The following CCSER1 variants were observed in gnomAD, a reference collection of about 807,000 sequenced individuals.
CCSER1 encodes the protein coiled-coil serine rich protein 1.
In CCSER1, 41 loss-of-function variants were observed where a neutral mutation model predicts 82.0. The ratio of observed to expected loss-of-function variants is 0.50; its 90% CI spans 0.39 to 0.65. The LOEUF is 0.65. Ranked by LOEUF, CCSER1 falls within the 30% of genes least tolerant of loss-of-function variation. CCSER1 has a pLI of 0.00. For missense variants in CCSER1, 1,119 were observed against 1,064.2 expected (o/e 1.05, Z -0.72); for synonymous variants, 414 against 383.9 (o/e 1.08, Z -0.92).
intron 4 of CCSER1, among the ~76,000 whole-genome samples, chr4:90,426,007 C>T (rs80220195): frequency 0.018 from 2,696 of 151,926 alleles, 34 homozygotes; most frequent in African/African-American, 0.038. Context: ...AGAGAAGTGA[C>T]GTTTTTCCAT....
chr4:90,481,780 T>C (rs1012211534), intron 5 of CCSER1, among the ~76,000 whole-genome samples: 1 of 152,234 alleles, frequency 6.6e-6, no homozygotes, highest in African/African-American at 2.4e-5. Context: ...GCCAGTATTT[T>C]ATTGAGGATT....
chr4:90,629,518 A>C (rs1167533412), intron 6 of CCSER1, among the ~76,000 whole-genome samples: 1 of 152,174 alleles, frequency 6.6e-6, no homozygotes, highest in African/African-American at 2.4e-5. Context: ...TACCATGAGA[A>C]CTGTATGTGG....
At chr4:91,547,717 TTC>T (rs1354073877) in intron 10 of CCSER1, among the ~76,000 whole-genome samples, 1 of 152,160 alleles carries the variant, frequency 6.6e-6, no homozygotes, top group African/African-American at 2.4e-5. Flanking sequence ...TCATATTTGT[TTC>T]TATTTTATAT....
intron 9 of CCSER1, among the ~76,000 whole-genome samples, chr4:91,081,954 G>A (rs1189444310): frequency 6.6e-6 from 1 of 152,102 alleles, no homozygotes; most frequent in Non-Finnish European, 1.5e-5. Flanking sequence ...CTCATGGGTA[G>A]GAAGAATCAA....
chr4:90,167,578 C>T (rs1436393796), intron 1 of CCSER1, among the ~76,000 whole-genome samples: 1 of 152,132 alleles, frequency 6.6e-6, no homozygotes, highest in Admixed American at 6.6e-5. Flanking sequence ...CACCCAGTAA[C>T]TCGTCATTTA....
At chr4:90,250,426 T>C (rs544791218) in intron 1 of CCSER1, among the ~76,000 whole-genome samples, 15 of 152,200 alleles carry the variant, frequency 9.9e-5, no homozygotes, top group African/African-American at 3.6e-4. Flanking sequence ...GAAGTTAAAC[T>C]TCATTGTTTT....
At chr4:90,641,155 AT>A (rs1478053818) in intron 6 of CCSER1, among the ~76,000 whole-genome samples, 1 of 152,138 alleles carries the variant, frequency 6.6e-6, no homozygotes, top group East Asian at 1.9e-4. Flanking sequence ...TCTAAAATAT[AT>A]TTTATGTTAA....
At chr4:91,393,354 A>G (rs1335217616) in intron 10 of CCSER1, among the ~76,000 whole-genome samples, 1 of 152,112 alleles carries the variant, frequency 6.6e-6, no homozygotes, top group African/African-American at 2.4e-5. Context: ...TGAACCATGC[A>G]TGAAATTCAA....
chr4:90,856,190 A>C (rs1367409626), intron 8 of CCSER1, among the ~76,000 whole-genome samples: 1 of 152,092 alleles, frequency 6.6e-6, no homozygotes, highest in Non-Finnish European at 1.5e-5. Flanking sequence ...GGCTCAACAC[A>C]TGAGTCATAT....
intron 8 of CCSER1, among the ~76,000 whole-genome samples, chr4:90,836,703 G>A (rs1404973305): frequency 6.6e-6 from 1 of 152,134 alleles, no homozygotes; most frequent in Non-Finnish European, 1.5e-5. Context: ...TGGACTGGGT[G>A]GAGTCTTGGA....
rs537072788 is a variant in CCSER1 at position 90,839,122 on chromosome 4, A to G, written c.2094+23277A>G. 5.7e-4 allele frequency: 552 copies of G among 963,820 alleles called. 9 individuals carry two copies. The South Asian group carries it at 6.4e-3, about 11-fold the overall frequency. The allele number at this position is 963,820 out of a possible 1,614,324, so 59.7% of individuals were successfully genotyped here. A position where few individuals can be genotyped will look rare whatever the true frequency, so the allele number is the denominator to read the frequency against. ...TGGCCACCACCGAGTTGTCGCCATA[A>G]TATTTTTAATAATGTTTGCATTTCT... On this transcript the variant is annotated intron_variant, in intron 8 of 10. Coordinates refer to ENST00000509176, the MANE Select transcript of CCSER1 (RefSeq NM_001145065.2).
chr4:90,542,899 G>C (rs1776280959), intron 5 of CCSER1, among the ~76,000 whole-genome samples: 1 of 152,008 alleles, frequency 6.6e-6, no homozygotes, highest in African/African-American at 2.4e-5. Flanking sequence ...TTGGTCTGGA[G>C]AATGAGGAAA....
intron 3 of CCSER1, among the ~76,000 whole-genome samples, chr4:90,388,920 A>G (rs545426992): frequency 2.6e-5 from 4 of 152,256 alleles, no homozygotes; most frequent in African/African-American, 7.2e-5. Context: ...ACAGGCGTGA[A>G]CCACCTCACC....
intron 5 of CCSER1, among the ~76,000 whole-genome samples, chr4:90,574,495 C>G (rs1435495576): frequency 6.6e-6 from 1 of 151,108 alleles, no homozygotes; most frequent in Non-Finnish European, 1.5e-5. Context: ...GTCTCGATCT[C>G]CTGACCTCAT....
intron 10 of CCSER1, among the ~76,000 whole-genome samples, chr4:91,366,789 C>T (rs1230311813): frequency 6.6e-6 from 1 of 152,154 alleles, no homozygotes; most frequent in African/African-American, 2.4e-5. Context: ...TGCTTTATCC[C>T]ACACTTTGTA....
chr4:90,521,218 G>T (rs1773083976), intron 5 of CCSER1, among the ~76,000 whole-genome samples: 1 of 152,042 alleles, frequency 6.6e-6, no homozygotes, highest in Non-Finnish European at 1.5e-5. Flanking sequence ...GTATGCATAT[G>T]CCAATAACAG....
rs114370209 is a variant in CCSER1 at position 90,550,557 on chromosome 4, T to A, written c.1725-77468T>A. Among the ~76,000 whole-genome samples the A allele has an allele frequency of 6.9e-3, 1,029 of 149,772 alleles. 12 individuals carry two copies. Among genetic ancestry groups the A allele is most frequent in the African/African-American group, 0.022 (859 of 39,212 alleles). On this transcript the variant is annotated intron_variant, in intron 5 of 10. Coordinates refer to ENST00000509176, the MANE Select transcript of CCSER1 (RefSeq NM_001145065.2). The stretch of plus-strand genomic sequence containing the variant: ...TCACAAATTAATATAGAAAAATATA[T>A]TATTGAGGCAAACAAGTTTTTGTGA...
intron 5 of CCSER1, among the ~76,000 whole-genome samples, chr4:90,577,766 G>A (rs1780927689): frequency 6.6e-6 from 1 of 152,012 alleles, no homozygotes; most frequent in African/African-American, 2.4e-5. Context: ...GGAGATCATT[G>A]TCTGAGTTAA....
intron 10 of CCSER1, among the ~76,000 whole-genome samples, chr4:91,296,581 CAT>C (rs1378920773): frequency 3.4e-5 from 5 of 146,710 alleles, no homozygotes; most frequent in African/African-American, 7.5e-5. Context: ...ATATAGTTAA[CAT>C]ATAGTTATGT....
Sources: gnomAD v4.1 joint callset for allele counts (sites outside exome capture counted in the v4.1 genomes callset) on GRCh38, gnomAD v4.1.1 for gene constraint, MANE v1.5 for transcripts, NCBI Gene and HGNC (gene_info 2026-07-23, HGNC 2026-07-21) for gene names.